NR3C1: variants seen among roughly 807,000 people sequenced by gnomAD.
NR3C1 encodes nuclear receptor subfamily 3 group C member 1, also known as glucocorticoid receptor.
NR3C1 carries 14 observed loss-of-function variants against 74.0 expected under a neutral mutation model. The observed-to-expected ratio is 0.19, with a 90% confidence interval of 0.12 to 0.30. NR3C1 has a LOEUF of 0.30. Among genes scored for constraint, NR3C1 ranks in the 10% least tolerant of loss-of-function variants. The pLI, the probability that NR3C1 is intolerant of heterozygous loss-of-function variation, is 1.00. For synonymous variants in NR3C1, 308 were observed against 332.5 expected, an observed-to-expected ratio of 0.93 and a Z score of 0.80; for missense variants, 695 against 909.8, an observed-to-expected ratio of 0.76 and a Z score of 3.04.
At chr5:143,331,623 C>A (rs1318842627) in intron 2 of NR3C1, among the ~76,000 whole-genome samples, 1 of 152,158 alleles carries the variant, frequency 6.6e-6, no homozygotes. Flanking sequence ...GAAATCATGT[C>A]CTTTGCGGCA....
intron 2 of NR3C1, among the ~76,000 whole-genome samples, chr5:143,348,962 G>GCCAA (rs1829774912): frequency 6.6e-6 from 1 of 152,042 alleles, no homozygotes; most frequent in Non-Finnish European, 1.5e-5. Flanking sequence ...CTCCATGCAT[G>GCCAA]CCAACCTGGT....
chr5:143,404,035 C>T (rs1840859221), upstream of NR3C1: 2 of 985,582 alleles, frequency 2.0e-6, no homozygotes, highest in Non-Finnish European at 2.4e-6. Context: ...TCTCCAGTTT[C>T]TTTTCTCGCT....
intron 2 of NR3C1, among the ~76,000 whole-genome samples, chr5:143,363,161 ATC>A (rs1832589798): frequency 6.6e-6 from 1 of 152,190 alleles, no homozygotes; most frequent in African/African-American, 2.4e-5. Context: ...ATTTAATGAA[ATC>A]TCTGTTAATT....
chr5:143,295,283 A>G (rs1816933338), intron 7 of NR3C1, 177 bp downstream of exon 7: 1 of 985,176 alleles, frequency 1.0e-6, no homozygotes, highest in Admixed American at 6.2e-5. Flanking sequence ...TGTCTTATTA[A>G]TCTTGGTGTC....
At chr5:143,400,940 T>A in intron 1 of NR3C1, 88 bp from the exon 2 acceptor site, 1 of 977,158 alleles carries the variant, frequency 1.0e-6, no homozygotes, top group Non-Finnish European at 1.6e-6. Context: ...AGAGGCAGCT[T>A]GTTAAATGAA....
chr5:143,395,387 T>A (rs1839014284), intron 2 of NR3C1, among the ~76,000 whole-genome samples: 1 of 151,870 alleles, frequency 6.6e-6, no homozygotes, highest in African/African-American at 2.4e-5. Flanking sequence ...TTTTTTGTAG[T>A]TATAGCTTAA....
At chr5:143,308,126 G>C (rs573537921) in intron 4 of NR3C1, among the ~76,000 whole-genome samples, 13 of 152,238 alleles carry the variant, frequency 8.5e-5, no homozygotes, top group African/African-American at 3.1e-4. Context: ...TCTACACACA[G>C]TGTGTGCTAG....
At position 143,428,151 on chromosome 5, in the gene NR3C1, G is replaced by A. The variant is rs145658692; in HGVS notation, c.-14+6381C>T. 2.6e-5 allele frequency among the ~76,000 whole-genome samples: 4 copies of A among 152,292 alleles called. No homozygotes were observed. In the East Asian group the frequency reaches 7.7e-4, roughly 29 times the overall value. On this transcript the variant is annotated intron_variant, in intron 1 of 8. Transcript: ENST00000343796. ...TACAGGCGAATAGATTCAGGTTTCT[G>A]ATCCTGCCAAGCCAAGGTCATGGCA... is the stretch of plus-strand genomic sequence containing the variant.
intron 2 of NR3C1, among the ~76,000 whole-genome samples, chr5:143,335,189 C>T (rs940537331): frequency 1.2e-4 from 19 of 152,126 alleles, no homozygotes; most frequent in East Asian, 3.8e-4. Flanking sequence ...TGGTACATGC[C>T]GAGGCCCTTC....
At chr5:143,341,293 CTTTAATT>C (rs1048851212) in intron 2 of NR3C1, among the ~76,000 whole-genome samples, 11 of 152,132 alleles carry the variant, frequency 7.2e-5, no homozygotes, top group Admixed American at 2.6e-4. Context: ...CAGGAGTGTT[CTTTAATT>C]TATGAGGTTC....
In NR3C1 at chr5:143,281,855, A is replaced by ACTTT. The variant is rs769904760; in HGVS notation, c.*30_*33dup. ...TTATACAATAAAAGCTATTAATTCG[A>ACTTT]CTTTCTTTAAGGCAACCATTCTTAT... is the stretch of plus-strand genomic sequence containing the variant. On this transcript the variant is annotated 3_prime_UTR_variant, in exon 9 of 9. Transcript: ENST00000394464. The ACTTT allele has an allele frequency of 1.2e-6, 2 of 1,600,284 alleles. No individual in the cohort carries two copies. The highest frequency in any genetic ancestry group is 1.7e-6 in the Non-Finnish European group (2 of 1,168,368).
At chr5:143,314,797 T>G (rs1328325248) in intron 2 of NR3C1, among the ~76,000 whole-genome samples, 3 of 152,150 alleles carry the variant, frequency 2.0e-5, no homozygotes, top group Admixed American at 1.3e-4. Context: ...AACCACAATT[T>G]CATATGACTC....
chr5:143,340,827 T>A (rs1828071440), intron 2 of NR3C1, among the ~76,000 whole-genome samples: 1 of 152,110 alleles, frequency 6.6e-6, no homozygotes, highest in South Asian at 2.1e-4. Flanking sequence ...ACCAAATATA[T>A]ATTTTTAAAC....
intron 2 of NR3C1, among the ~76,000 whole-genome samples, chr5:143,374,575 G>C (rs957860593): frequency 2.6e-5 from 4 of 151,812 alleles, no homozygotes; most frequent in Non-Finnish European, 5.9e-5. Flanking sequence ...TAGTAACTCT[G>C]ATTCTTGGGT....
chr5:143,400,274 C>T lies in NR3C1; in HGVS notation c.566G>A (p.Ser189Asn), dbSNP rs1262758983. ...CAAATCCTGCAAAATGTCAAAGGTG[C>T]TTTGGTCTGTGGTATACAATTTCAC... ...GNVKLYTTDQSTFDILQDLEF... is the reference protein window; with the variant it reads ...GNVKLYTTDQNTFDILQDLEF... Residue 189 changes from serine (S) to asparagine (N), a missense_variant, in exon 2 of 9, where the codon AGC becomes AAC. By Grantham distance (46) the Ser-to-Asn change is conservative. This residue lies in a region of NR3C1 where 497 missense variants were observed against 489.5 expected (regional missense o/e 1.02). Coordinates refer to ENST00000394464, the MANE Select transcript of NR3C1 (RefSeq NM_000176.3). The T allele has an allele frequency of 1.2e-6, 2 of 1,600,200 alleles. No individual in the cohort carries two copies. The highest frequency in any genetic ancestry group is 1.7e-5 in the Admixed American group (1 of 57,662).
chr5:143,385,413 C>T (rs1044407141), intron 2 of NR3C1, among the ~76,000 whole-genome samples: 4 of 152,220 alleles, frequency 2.6e-5, no homozygotes, highest in Admixed American at 6.5e-5. Flanking sequence ...ACCACAAGGT[C>T]AGGCTGCAAA....
At chr5:143,359,133 G>A (rs1241772140) in intron 2 of NR3C1, among the ~76,000 whole-genome samples, 1 of 152,144 alleles carries the variant, frequency 6.6e-6, no homozygotes, top group Non-Finnish European at 1.5e-5. Context: ...TAAACAGTTT[G>A]AAAGCCACTA....
In NR3C1 at chr5:143,298,687, G is replaced by A. The variant is rs1245538911; in HGVS notation, c.1873C>T (p.Pro625Ser). The change falls in exon 6 of 9, where the codon CCT becomes TCT. Residue 625 changes from proline to serine, a missense_variant. Physicochemically the swap from Pro to Ser is moderately conservative, Grantham distance 74. This residue lies in a region of NR3C1 where 133 missense variants were observed against 287.9 expected (regional missense o/e 0.46). Coordinates refer to ENST00000394464, the MANE Select transcript of NR3C1 (RefSeq NM_000176.3). ...QSSANLLCFA[P>S]DLIINEQRMT... ...ACTTACTCATTAATAATCAGATCAG[G>A]AGCAAAACACAGCAGGTTTGCACTT... 1 of 1,613,516 alleles carries A rather than the reference G, an allele frequency of 6.2e-7. No homozygotes were observed. Among genetic ancestry groups the A allele is most frequent in the Non-Finnish European group, 8.5e-7 (1 of 1,179,820 alleles).
At chr5:143,312,723 G>A (rs890755993) in intron 3 of NR3C1, among the ~76,000 whole-genome samples, 2 of 152,138 alleles carry the variant, frequency 1.3e-5, no homozygotes, top group African/African-American at 2.4e-5. Flanking sequence ...TTGAAAAATC[G>A]TTAAGTCAGG....
Sources: allele counts gnomAD v4.1 joint callset (sites outside exome capture counted in the v4.1 genomes callset), GRCh38; gene constraint gnomAD v4.1.1; regional missense constraint gnomAD v4.1.1; transcripts MANE v1.5; gene names NCBI Gene and HGNC (gene_info 2026-07-23, HGNC 2026-07-21).